NFATC2: variants seen among roughly 807,000 people sequenced by gnomAD.
NFATC2 encodes nuclear factor of activated T cells 2.
NFATC2 carries 22 observed loss-of-function variants against 87.3 expected under a neutral mutation model. That is an observed-to-expected ratio of 0.25 (90% CI 0.18 to 0.36). NFATC2 has a LOEUF of 0.36. Ranked by LOEUF, NFATC2 falls within the 10% of genes least tolerant of loss-of-function variation. NFATC2 has a pLI of 1.00. For synonymous variants in NFATC2, 565 were observed against 542.2 expected, an observed-to-expected ratio of 1.04 and a Z score of -0.58; for missense variants, 1,149 against 1,259.1, an observed-to-expected ratio of 0.91 and a Z score of 1.32.
At chr20:51,445,718 T>C (rs1297757712) in intron 6 of NFATC2, among the ~76,000 whole-genome samples, 1 of 152,222 alleles carries the variant, frequency 6.6e-6, no homozygotes, top group African/African-American at 2.4e-5. Flanking sequence ...AGTTTCAGAC[T>C]GTCCACTCCC....
chr20:51,510,842 T>C (rs368070520), intron 3 of NFATC2, among the ~76,000 whole-genome samples: 4 of 152,312 alleles, frequency 2.6e-5, no homozygotes, highest in Admixed American at 6.5e-5. Context: ...ACAGGGTTCG[T>C]TCTGTAACTA....
chr20:51,492,960 G>A (rs1398429513), intron 3 of NFATC2, among the ~76,000 whole-genome samples: 1 of 152,244 alleles, frequency 6.6e-6, no homozygotes, highest in East Asian at 1.9e-4. Context: ...TTTGCAGCTT[G>A]GGGCCAGAGG....
rs6096403 is a variant in NFATC2 at position 51,391,474 on chromosome 20, G to T, written c.*45-23C>A. The stretch of plus-strand genomic sequence containing the variant: ...TAACTACAAAAGAAAAGAGGAGGGG[G>T]GGGGAGAGAGAATGGGGCAAGTGAG... On this transcript the variant is annotated intron_variant, in intron 10 of 10. Transcript: ENST00000371564. The T allele has an allele frequency of 8.1e-5, 128 of 1,585,128 alleles. 1 individual carries two copies. In the East Asian group the frequency reaches 8.5e-4, roughly 11 times the overall value.
At chr20:51,394,963 C>A (rs1986847068) in intron 10 of NFATC2, among the ~76,000 whole-genome samples, 1 of 152,236 alleles carries the variant, frequency 6.6e-6, no homozygotes, top group African/African-American at 2.4e-5. Flanking sequence ...TGCATGGCAC[C>A]ATGCACACAG....
chr20:51,458,077 A>T (rs1186109955), intron 5 of NFATC2, among the ~76,000 whole-genome samples: 2 of 151,854 alleles, frequency 1.3e-5, no homozygotes, highest in African/African-American at 4.8e-5. Flanking sequence ...GGGTTTTGCC[A>T]TGTTACTCAG....
chr20:51,513,081 A>G (rs2076297450), intron 3 of NFATC2, among the ~76,000 whole-genome samples: 1 of 152,186 alleles, frequency 6.6e-6, no homozygotes, highest in South Asian at 2.1e-4. Flanking sequence ...ACTTATTTTG[A>G]AAAAACATAA....
intron 3 of NFATC2, among the ~76,000 whole-genome samples, chr20:51,501,880 T>C (rs773376554): frequency 3.9e-5 from 6 of 152,118 alleles, no homozygotes; most frequent in South Asian, 2.1e-4. Context: ...ACACATACAG[T>C]CTCTGTTGCA....
intron 3 of NFATC2, among the ~76,000 whole-genome samples, chr20:51,486,285 T>C (rs4263171): frequency 0.87 from 132,314 of 152,202 alleles, 57,632 homozygotes; most frequent in East Asian, 0.94. Context: ...CCCCCGCCCA[T>C]ATCACCAGCT....
chr20:51,465,843 G>A (rs1394031238), intron 5 of NFATC2, among the ~76,000 whole-genome samples: 6 of 152,036 alleles, frequency 3.9e-5, no homozygotes. Context: ...CTTTGTGAGG[G>A]CAGGGACTTT....
intron 9 of NFATC2, among the ~76,000 whole-genome samples, chr20:51,411,584 G>A (rs1335789155): frequency 7.5e-6 from 1 of 134,106 alleles, no homozygotes; most frequent in Non-Finnish European, 1.5e-5. Flanking sequence ...CTCGTGTGCA[G>A]TAGCACAGTC....
At chr20:51,501,262 G>A (rs1285065318) in intron 3 of NFATC2, among the ~76,000 whole-genome samples, 1 of 152,160 alleles carries the variant, frequency 6.6e-6, no homozygotes, top group Non-Finnish European at 1.5e-5. Context: ...CAGCTGTTGT[G>A]CCATGCACAG....
upstream of NFATC2, among the ~76,000 whole-genome samples, chr20:51,543,433 C>A (rs1175333726): frequency 2.6e-5 from 4 of 152,168 alleles, no homozygotes; most frequent in Admixed American, 2.0e-4. Flanking sequence ...GCTTTAGTCC[C>A]TTGGGTGGTC....
At chr20:51,541,753 G>A (rs1419960637) in intron 1 of NFATC2, among the ~76,000 whole-genome samples, 1 of 152,108 alleles carries the variant, frequency 6.6e-6, no homozygotes, top group South Asian at 2.1e-4. Context: ...GAAATGGGCC[G>A]GCCTTATAAT....
At chr20:51,406,002 C>G (rs181780083) in intron 9 of NFATC2, among the ~76,000 whole-genome samples, 12 of 152,222 alleles carry the variant, frequency 7.9e-5, no homozygotes, top group African/African-American at 2.9e-4. Context: ...GTCTCAAACT[C>G]CTGACCTCAG....
At chr20:51,409,522 T>C (rs1456767968) in intron 9 of NFATC2, among the ~76,000 whole-genome samples, 1 of 152,142 alleles carries the variant, frequency 6.6e-6, no homozygotes. Flanking sequence ...AGAGGATGTG[T>C]TTGAAATTGT....
chr20:51,454,838 T>G, intron 5 of NFATC2, 150 bp from the exon 6 acceptor site: 1 of 850,714 alleles, frequency 1.2e-6, no homozygotes, highest in South Asian at 1.7e-5. Context: ...CCCCTGACAA[T>G]CAATGACGTA....
At chr20:51,562,653 C>A, upstream of NFATC2, 3 of 1,548,224 alleles carry the variant, frequency 1.9e-6, no homozygotes, top group Non-Finnish European at 2.6e-6. The surrounding 1 kb of genome is among the most constrained non-coding windows in gnomAD (Gnocchi z 5.8). Flanking sequence ...GGACTTGGCG[C>A]GTGTTTGGAA....
At chr20:51,533,854 C>A (rs551280135) in intron 1 of NFATC2, among the ~76,000 whole-genome samples, 4 of 152,214 alleles carry the variant, frequency 2.6e-5, no homozygotes, top group Non-Finnish European at 5.9e-5. Context: ...TGTATGGAAT[C>A]TGCAACCCGC....
chr20:51,432,918 A>G lies in NFATC2; in HGVS notation c.2033-162T>C, dbSNP rs1982989176. 6.6e-6 allele frequency among the ~76,000 whole-genome samples: 1 copy of G among 152,132 alleles called. No homozygotes were observed. The highest frequency in any genetic ancestry group is 6.5e-5 in the Admixed American group (1 of 15,284). On this transcript the variant is annotated intron_variant, in intron 8 of 10. Transcript: ENST00000371564. The surrounding 1 kb of genome is among the most constrained non-coding windows in gnomAD (Gnocchi z 4.6). ...ATCAGCCTTGGGCAAAAGGCTCCCC[A>G]TGCAATTGTCTTAGGTAGGAAATTT...
Sources: allele counts gnomAD v4.1 joint callset (sites outside exome capture counted in the v4.1 genomes callset), GRCh38; gene constraint gnomAD v4.1.1; non-coding constraint Gnocchi (gnomAD v3.1); transcripts MANE v1.5; gene names NCBI Gene and HGNC (gene_info 2026-07-23, HGNC 2026-07-21).